METTL2A: variants seen among roughly 807,000 people sequenced by gnomAD.
METTL2A encodes the protein methyltransferase 2A, tRNA N3-cytidine.
A neutral mutation model predicts 49.4 loss-of-function variants in METTL2A; 45 were observed. The observed-to-expected ratio is 0.91, with a 90% CI of 0.72 to 1.17. The LOEUF is 1.17. METTL2A is among the 50% of genes most tolerant of loss of function. The pLI is 0.00. For synonymous variants in METTL2A, 118 were observed against 167.5 expected (o/e 0.70, Z 2.28); for missense variants, 361 against 462.2 (o/e 0.78, Z 2.01).
chr17:62,443,806 G>A (rs1398084170), intron 6 of METTL2A, among the ~76,000 whole-genome samples: 1 of 152,074 alleles, frequency 6.6e-6, no homozygotes, highest in African/African-American at 2.4e-5. Flanking sequence ...TGGCCAGGCT[G>A]GTCTCGAACT....
intron 6 of METTL2A, among the ~76,000 whole-genome samples, chr17:62,442,723 A>T (rs1175424970): frequency 1.3e-5 from 2 of 152,132 alleles, no homozygotes; most frequent in East Asian, 1.9e-4. Flanking sequence ...GGTAAACTAT[A>T]CCCATGAAAT....
chr17:62,447,193 T>C (rs1370553325), intron 7 of METTL2A, among the ~76,000 whole-genome samples: 1 of 151,984 alleles, frequency 6.6e-6, no homozygotes, highest in East Asian at 1.9e-4. Context: ...CCACGGTGGG[T>C]GGATCACCTG....
rs1251840771 is a variant in METTL2A at position 62,451,933 on chromosome 17, G to A, written c.*3204G>A. Among the ~76,000 whole-genome samples, 1 of 149,676 alleles carries A rather than the reference G, an allele frequency of 6.7e-6. No homozygotes were observed. Among genetic ancestry groups the A allele is most frequent in the Non-Finnish European group, 1.5e-5 (1 of 67,730 alleles). On this transcript the variant is annotated 3_prime_UTR_variant, in exon 9 of 9. Coordinates refer to ENST00000311506, the MANE Select transcript of METTL2A (RefSeq NM_181725.4). ...AAATTAGCTGGGCATGGTGGTGGGC[G>A]CCTGTAATCCCAGCTATTTGGGAGG...
At chr17:62,428,218 A>C (rs898164868) in intron 4 of METTL2A, among the ~76,000 whole-genome samples, 4 of 152,180 alleles carry the variant, frequency 2.6e-5, no homozygotes, top group Non-Finnish European at 4.4e-5. Context: ...TTCCATTCTC[A>C]TGATCTCTGA....
rs2070785111 is a variant in METTL2A at position 62,448,674 on chromosome 17, A to G, written c.1082A>G (p.Tyr361Cys). ...AACCGAGGAAAGCAACTGACAATGT[A>G]CCGGGTTTGGATTCAGTGCAAATAC... ...QVNRGKQLTM[Y>C]RVWIQCKYCK... Residue 361 changes from tyrosine (Y) to cysteine (C), a missense_variant, in exon 9 of 9, where the codon TAC (tyrosine) becomes TGC (cysteine). Around this residue, in one of 3 missense-constraint regions of METTL2A, gnomAD observed 183 missense variants for 216.5 expected, o/e 0.85. Coordinates refer to ENST00000311506, the MANE Select transcript of METTL2A (RefSeq NM_181725.4). 1 of 1,614,104 alleles carries G rather than the reference A, an allele frequency of 6.2e-7. No homozygotes were observed. Among genetic ancestry groups the G allele is most frequent in the Non-Finnish European group, 8.5e-7 (1 of 1,180,054 alleles).
intron 6 of METTL2A, among the ~76,000 whole-genome samples, chr17:62,443,546 C>T (rs117991430): frequency 0.064 from 9,769 of 152,234 alleles, 434 homozygotes; most frequent in South Asian, 0.24. Context: ...CCCAAGAGTC[C>T]AGCCGAGGCA....
chr17:62,447,475 T>C (rs2070776748), intron 7 of METTL2A, among the ~76,000 whole-genome samples: 1 of 151,878 alleles, frequency 6.6e-6, no homozygotes, highest in South Asian at 2.1e-4. Context: ...GTTGGGAGAG[T>C]GAACAAGTTG....
At chr17:62,430,448 C>G (rs1035261181) in intron 4 of METTL2A, among the ~76,000 whole-genome samples, 2 of 152,162 alleles carry the variant, frequency 1.3e-5, no homozygotes, top group Admixed American at 6.6e-5. Context: ...TTTCTACTGC[C>G]TGTGAATCAG....
intron 7 of METTL2A, among the ~76,000 whole-genome samples, chr17:62,445,868 TG>T (rs2070765065): frequency 1.3e-5 from 2 of 151,552 alleles, no homozygotes; most frequent in African/African-American, 4.8e-5. Context: ...CCATTAAAAA[TG>T]TAAAAGGCAA....
chr17:62,447,326 AG>A (rs2070775679), intron 7 of METTL2A, among the ~76,000 whole-genome samples: 1 of 152,186 alleles, frequency 6.6e-6, no homozygotes, highest in Non-Finnish European at 1.5e-5. Context: ...AGGCTGAGGC[AG>A]GAGAATCACT....
intron 5 of METTL2A, among the ~76,000 whole-genome samples, chr17:62,436,458 A>G (rs142844233): frequency 0.012 from 1,837 of 152,260 alleles, 12 homozygotes; most frequent in South Asian, 0.03. Context: ...AGGCTGAAGC[A>G]GGAGAATCGC....
At chr17:62,434,804 A>G (rs2070689816) in intron 4 of METTL2A, 2 of 187,586 alleles carry the variant, frequency 1.1e-5, no homozygotes, top group African/African-American at 2.3e-5. Context: ...AGCGAAAGAT[A>G]TAATCGCCAC....
At chr17:62,425,388 A>C (rs377386051) in intron 2 of METTL2A, among the ~76,000 whole-genome samples, 3 of 17,838 alleles carry the variant, frequency 1.7e-4, no homozygotes, top group Admixed American at 6.5e-4. Flanking sequence ...AACTGTCCAT[A>C]CTTTTTTTTT....
Position 62,444,813 on chromosome 17 carries a change from C to G in METTL2A, c.810-24C>G, listed in dbSNP as rs867474325. 3 of 1,612,290 alleles carry G rather than the reference C, an allele frequency of 1.9e-6. No individual in the cohort carries two copies. In the Middle Eastern group the frequency reaches 5.0e-4, roughly 266 times the overall value. On this transcript the variant is annotated intron_variant, in intron 6 of 8. Transcript: ENST00000311506. ...CCCGTCTTTAAGGAGACCTGATTGA[C>G]CGTCATTCCCTGCTGCTCCACAGGA... is the stretch of plus-strand genomic sequence containing the variant.
intron 5 of METTL2A, among the ~76,000 whole-genome samples, chr17:62,435,787 A>T (rs924134751): frequency 1.1e-4 from 16 of 152,264 alleles, no homozygotes; most frequent in African/African-American, 3.9e-4. Flanking sequence ...TCTCTAAGAC[A>T]CAATATTGCA....
chr17:62,440,572 A>G (rs557919310), intron 5 of METTL2A, 45 bp from the exon 6 acceptor site: 1 of 1,579,788 alleles, frequency 6.3e-7, no homozygotes, highest in South Asian at 1.2e-5. Flanking sequence ...TCTTTAGGCT[A>G]TGTTAATATT....
At chr17:62,440,515 G>T in intron 5 of METTL2A, 102 bp from the exon 6 acceptor site, 1 of 1,456,864 alleles carries the variant, frequency 6.9e-7, no homozygotes, top group Non-Finnish European at 9.2e-7. Flanking sequence ...ATCCCTCTTT[G>T]TGAAGTAGCA....
chr17:62,438,966 T>C (rs182498011), intron 5 of METTL2A, among the ~76,000 whole-genome samples: 4,683 of 146,338 alleles, frequency 0.032, 271 homozygotes, highest in African/African-American at 0.11. Flanking sequence ...GCCACCACAC[T>C]TGGCTAATTT....
chr17:62,427,514 C>T (rs529476365), intron 3 of METTL2A, among the ~76,000 whole-genome samples: 2 of 152,282 alleles, frequency 1.3e-5, no homozygotes, highest in Admixed American at 1.3e-4. Flanking sequence ...TCTACAGGAC[C>T]ATTTGCTAGA....
Sources: gnomAD v4.1 joint callset for allele counts (sites outside exome capture counted in the v4.1 genomes callset) on GRCh38, gnomAD v4.1.1 for gene constraint, gnomAD v4.1.1 regional missense constraint, MANE v1.5 for transcripts, NCBI Gene and HGNC (gene_info 2026-07-23, HGNC 2026-07-21) for gene names.